MGAM: variants seen among roughly 807,000 people sequenced by gnomAD.
MGAM encodes alpha-1,4-glucosidase.
A neutral mutation model predicts 358.8 loss-of-function variants in MGAM; 253 were observed. The ratio of observed to expected loss-of-function variants is 0.71; its 90% CI spans 0.64 to 0.78. MGAM has a LOEUF of 0.78. Ranked by LOEUF, MGAM falls within the 30% of genes least tolerant of loss-of-function variation. MGAM has a pLI of 0.00. For synonymous variants in MGAM, 1,105 were observed against 1,227.1 expected (o/e 0.90, Z 2.08); for missense variants, 3,080 against 3,432.6 (o/e 0.90, Z 2.57).
chr7:142,104,174 T>C lies in MGAM; in HGVS notation c.8184+735T>C, dbSNP rs576523929. ...GCCTCAGATTTTTATAATAAACTTA[T>C]AGAAAGTTTTTGAAACTTCTTTAGC... On this transcript the variant is annotated intron_variant, in intron 70 of 70. Coordinates refer to ENST00000475668, the MANE Select transcript of MGAM (RefSeq NM_001365693.1). Among the ~76,000 whole-genome samples, 42 of 152,272 alleles carry C rather than the reference T, an allele frequency of 2.8e-4. No homozygotes were observed. The South Asian group carries it at 7.0e-3, about 26-fold the overall frequency.
chr7:142,034,477 C>A, intron 15 of MGAM, 98 bp downstream of exon 15: 3 of 1,068,492 alleles, frequency 2.8e-6, no homozygotes, highest in Non-Finnish European at 4.0e-6. Context: ...CATAAAATTT[C>A]TTAAGACAAA....
intron 26 of MGAM, 69 bp downstream of exon 26, chr7:142,053,053 A>G: frequency 6.6e-7 from 1 of 1,505,042 alleles, no homozygotes; most frequent in Non-Finnish European, 9.2e-7. Context: ...ATTGGTCTGG[A>G]TCACAGAACC....
At chr7:142,094,560 G>A in intron 61 of MGAM, 60 bp from the exon 62 acceptor site, 1 of 1,557,470 alleles carries the variant, frequency 6.4e-7, no homozygotes, top group Non-Finnish European at 8.8e-7. Context: ...TTGGGGAAGA[G>A]GTGAGGAGGC....
chr7:142,003,089 A>G (rs1804859383), intron 1 of MGAM, among the ~76,000 whole-genome samples: 2 of 152,138 alleles, frequency 1.3e-5, no homozygotes, highest in Non-Finnish European at 2.9e-5. Context: ...AAATTGGAAA[A>G]CATCCCATGT....
In MGAM at chr7:142,038,607, C is replaced by T; in HGVS notation, c.2308C>T (p.Leu770=). The T allele has an allele frequency of 1.2e-6, 2 of 1,608,264 alleles. No individual in the cohort carries two copies. The highest frequency in any genetic ancestry group is 1.7e-6 in the Non-Finnish European group (2 of 1,176,992). The part of the protein sequence containing the change: ...WGPGLLITPV[L]DEGAEKVMAY... ...GCCCGGCCTCCTCATCACTCCAGTT[C>T]TGGATGAAGTAAGTGTTCCCACAGA... The change falls in exon 19 of 71, where the codon CTG becomes TTG. Residue 770 remains leucine, a synonymous_variant. Coordinates refer to ENST00000475668, the MANE Select transcript of MGAM (RefSeq NM_001365693.1).
intron 19 of MGAM, among the ~76,000 whole-genome samples, chr7:142,039,247 A>G (rs1302340045): frequency 6.6e-6 from 1 of 151,686 alleles, no homozygotes; most frequent in Non-Finnish European, 1.5e-5. Flanking sequence ...CTGGGGTTAC[A>G]GGCACCTGCC....
intron 22 of MGAM, among the ~76,000 whole-genome samples, 180 bp from the exon 23 acceptor site, chr7:142,050,055 T>C (rs75574392): frequency 6.6e-6 from 1 of 152,156 alleles, no homozygotes; most frequent in Non-Finnish European, 1.5e-5. Context: ...TAATTATACA[T>C]TGATGAATGA....
In MGAM at chr7:142,060,304, T is replaced by C. The variant is rs200373850; in HGVS notation, c.4060-7T>C. The stretch of plus-strand genomic sequence containing the variant: ...TGCATCGCTACTGAACGTATTTCTC[T>C]CCATAGGTCTGGCCTGATTTTCCTG... On this transcript the variant is annotated splice_polypyrimidine_tract_variant and splice_region_variant and intron_variant, in intron 33 of 70. Transcript: ENST00000475668. 6.2e-7 allele frequency: 1 copy of C among 1,613,842 alleles called. No homozygotes were observed.
chr7:142,045,276 C>A (rs866625217), intron 21 of MGAM, among the ~76,000 whole-genome samples: 37 of 16,306 alleles, frequency 2.3e-3, no homozygotes, highest in Non-Finnish European at 4.5e-3. Context: ...TTATATATAC[C>A]TATAATATAT....
chr7:142,078,593 T>C lies in MGAM; in HGVS notation c.5646+123T>C. The C allele has an allele frequency of 2.6e-6, 3 of 1,148,314 alleles. 1 individual carries two copies. The highest frequency in any genetic ancestry group is 1.7e-5 in the South Asian group (1 of 60,232). The allele number at this position is 1,148,314 out of a possible 1,614,324, so 71.1% of individuals were successfully genotyped here. On this transcript the variant is annotated intron_variant, in intron 48 of 70. Coordinates refer to ENST00000475668, the MANE Select transcript of MGAM (RefSeq NM_001365693.1). The stretch of plus-strand genomic sequence containing the variant: ...CATAGAAAGGACTTCCTAAGGGACA[T>C]GATCTGGATGTGACAAGTAGGTGGG...
intron 37 of MGAM, among the ~76,000 whole-genome samples, chr7:142,065,108 C>T (rs1812593543): frequency 6.6e-6 from 1 of 152,138 alleles, no homozygotes; most frequent in African/African-American, 2.4e-5. Context: ...TGGGAGTACT[C>T]CAGTGAGGCT....
chr7:142,023,263 C>T (rs1806630638), intron 7 of MGAM, among the ~76,000 whole-genome samples: 1 of 151,894 alleles, frequency 6.6e-6, no homozygotes, highest in South Asian at 2.1e-4. Context: ...TGTGTTTCGC[C>T]ATGTTGTTCA....
intron 21 of MGAM, among the ~76,000 whole-genome samples, chr7:142,045,538 AT>A (rs1810144926): frequency 1.0e-5 from 1 of 95,714 alleles, no homozygotes; most frequent in African/African-American, 4.3e-5. Context: ...TATAATATAT[AT>A]TATATATACA....
Position 142,054,768 on chromosome 7 carries a change from C to A in MGAM, c.3174C>A (p.Asn1058Lys), listed in dbSNP as rs374510544. 18 of 1,613,806 alleles carry A rather than the reference C, an allele frequency of 1.1e-5. No individual in the cohort carries two copies. Among genetic ancestry groups the A allele is most frequent in the African/African-American group, 1.1e-4 (8 of 75,024 alleles). Residue 1058 changes from asparagine (N) to lysine (K), a missense_variant, in exon 27 of 71, where the codon AAC (asparagine) becomes AAA (lysine). Physicochemically the swap from Asn to Lys is moderately conservative, Grantham distance 94 (BLOSUM62 0). Transcript: ENST00000475668. ...CTCTGGCCTAGATTTATGATCCCAA[C>A]AAGAATCGGTATGAAGTTCCAGTCC... ...EMLQFKIYDP[N>K]KNRYEVPVPL...
chr7:142,036,751 G>A (rs1808028152), intron 17 of MGAM, 72 bp from the exon 18 acceptor site: 18 of 1,482,250 alleles, frequency 1.2e-5, no homozygotes, highest in Non-Finnish European at 1.6e-5. Flanking sequence ...TAATGAATGA[G>A]GTCTGGAATT....
intron 1 of MGAM, among the ~76,000 whole-genome samples, chr7:141,997,435 C>CA (rs1349780494): frequency 6.6e-6 from 1 of 152,062 alleles, no homozygotes; most frequent in African/African-American, 2.4e-5. Flanking sequence ...CACAAGATGC[C>CA]AATGATTATT....
chr7:142,072,051 G>A (rs1813388313), intron 44 of MGAM, among the ~76,000 whole-genome samples: 1 of 146,012 alleles, frequency 6.8e-6, no homozygotes, highest in African/African-American at 2.4e-5. Flanking sequence ...TCCAATACCA[G>A]TTGGCTTCCA....
chr7:142,083,516 G>A, intron 53 of MGAM, 103 bp downstream of exon 53: 6 of 824,254 alleles, frequency 7.3e-6, no homozygotes, highest in Middle Eastern at 2.3e-4. Context: ...TGGAATTATT[G>A]GTATTACTTG....
intron 21 of MGAM, among the ~76,000 whole-genome samples, chr7:142,042,882 C>T (rs1248112272): frequency 2.3e-5 from 1 of 42,910 alleles, no homozygotes; most frequent in East Asian, 7.0e-4. Flanking sequence ...ATTATATATA[C>T]ATATAATATC....
Sources: gnomAD v4.1 joint callset for allele counts (sites outside exome capture counted in the v4.1 genomes callset) on GRCh38, gnomAD v4.1.1 for gene constraint, MANE v1.5 for transcripts, NCBI Gene and HGNC (gene_info 2026-07-23, HGNC 2026-07-21) for gene names.